The following SKAP2 variants were observed in gnomAD, a reference collection of about 807,000 sequenced individuals.
The protein encoded by SKAP2 is src kinase associated phosphoprotein 2.
Under a neutral mutation model 54.9 loss-of-function variants are expected in SKAP2, and 28 were observed. The ratio of observed to expected loss-of-function variants is 0.51; its 90% CI spans 0.38 to 0.70. SKAP2 has a LOEUF of 0.70. Ranked by LOEUF, SKAP2 falls within the 30% of genes least tolerant of loss-of-function variation. The pLI is 0.00. For synonymous variants in SKAP2, 137 were observed against 134.3 expected (o/e 1.02, Z -0.14); for missense variants, 356 against 424.1 (o/e 0.84, Z 1.41).
chr7:26,810,168 T>G (rs1784112735), intron 4 of SKAP2, among the ~76,000 whole-genome samples: 1 of 151,774 alleles, frequency 6.6e-6, no homozygotes, highest in Admixed American at 6.6e-5. Flanking sequence ...AGTCTCCATC[T>G]CCACAAAAAT....
chr7:26,673,710 G>A (rs909705200), intron 11 of SKAP2, among the ~76,000 whole-genome samples: 1 of 152,048 alleles, frequency 6.6e-6, no homozygotes, highest in African/African-American at 2.4e-5. Context: ...AGGCGGTAGT[G>A]AATGCTTGTG....
intron 9 of SKAP2, among the ~76,000 whole-genome samples, chr7:26,693,950 T>C (rs1406114397): frequency 2.6e-5 from 4 of 151,980 alleles, no homozygotes; most frequent in Non-Finnish European, 5.9e-5. Context: ...GTTCGATAAA[T>C]ACAGAATAAA....
At chr7:26,690,468 CATTA>C (rs1222138038) in intron 9 of SKAP2, 106 bp from the exon 10 acceptor site, 4 of 656,810 alleles carry the variant, frequency 6.1e-6, no homozygotes, top group Admixed American at 2.7e-5. Flanking sequence ...AACACATAAA[CATTA>C]TTTTTCAAAG....
chr7:26,793,368 G>A (rs1175532518), intron 4 of SKAP2, among the ~76,000 whole-genome samples: 1 of 152,152 alleles, frequency 6.6e-6, no homozygotes, highest in Admixed American at 6.5e-5. Flanking sequence ...TATCCTTACA[G>A]AAGAATTCCT....
intron 9 of SKAP2, among the ~76,000 whole-genome samples, chr7:26,701,748 A>C (rs540580079): frequency 0.11 from 6,796 of 64,644 alleles, 489 homozygotes; most frequent in African/African-American, 0.25. Context: ...TAAATAAATA[A>C]ATAAATAAAC....
chr7:26,660,121 C>T, the SKAP2 span, among the ~76,000 whole-genome samples: 1 of 152,074 alleles, frequency 6.6e-6, no homozygotes, highest in African/African-American at 2.4e-5. Context: ...TAAAATGGCA[C>T]ACTTGAATAA....
At chr7:26,857,329 A>C (rs1054705075) in intron 1 of SKAP2, 10 of 268,600 alleles carry the variant, frequency 3.7e-5, no homozygotes, top group South Asian at 2.7e-4. Flanking sequence ...AAAAAAAAAA[A>C]AAAAAACTTT....
chr7:26,761,072 A>C (rs562428503), intron 4 of SKAP2, among the ~76,000 whole-genome samples: 2 of 152,336 alleles, frequency 1.3e-5, no homozygotes, highest in South Asian at 4.1e-4. Context: ...AAATGCGCGA[A>C]AGTGGAACAG....
chr7:26,761,742 T>C (rs962391099), intron 4 of SKAP2, among the ~76,000 whole-genome samples: 2 of 151,856 alleles, frequency 1.3e-5, no homozygotes, highest in African/African-American at 4.8e-5. Context: ...CTACTAAAAA[T>C]AGAAAAAATT....
intron 9 of SKAP2, among the ~76,000 whole-genome samples, chr7:26,693,438 C>G (rs187889813): frequency 6.6e-6 from 1 of 151,392 alleles, no homozygotes; most frequent in Admixed American, 6.6e-5. Context: ...AAACTCTGCT[C>G]TTTGACAAAG....
chr7:26,781,210 C>A (rs1018772259), intron 4 of SKAP2, among the ~76,000 whole-genome samples: 1 of 152,126 alleles, frequency 6.6e-6, no homozygotes, highest in Non-Finnish European at 1.5e-5. Flanking sequence ...GACCCTCTTA[C>A]ACTATGTAAA....
chr7:26,804,215 T>A (rs1226419893), intron 4 of SKAP2, among the ~76,000 whole-genome samples: 1 of 152,178 alleles, frequency 6.6e-6, no homozygotes, highest in African/African-American at 2.4e-5. Flanking sequence ...TATCAAAATG[T>A]CTTATGTACC....
chr7:26,827,500 C>T (rs1784515903), intron 4 of SKAP2, among the ~76,000 whole-genome samples: 1 of 151,916 alleles, frequency 6.6e-6, no homozygotes, highest in African/African-American at 2.4e-5. Context: ...GAAAATAAAC[C>T]TAAACATTTA....
chr7:26,728,627 C>T (rs141726193), intron 6 of SKAP2, among the ~76,000 whole-genome samples: 30 of 152,192 alleles, frequency 2.0e-4, no homozygotes, highest in African/African-American at 6.0e-4. Flanking sequence ...AAAACCAGCA[C>T]GCAGCATTAT....
intron 4 of SKAP2, among the ~76,000 whole-genome samples, chr7:26,809,849 C>T (rs1386761106): frequency 6.6e-6 from 1 of 152,166 alleles, no homozygotes; most frequent in East Asian, 1.9e-4. Flanking sequence ...GATACGGAAT[C>T]AGCCTAAGTG....
the SKAP2 span, among the ~76,000 whole-genome samples, chr7:26,655,924 G>A: frequency 6.6e-6 from 1 of 152,190 alleles, no homozygotes; most frequent in Non-Finnish European, 1.5e-5. Flanking sequence ...GAGGCAATGT[G>A]TCTAAGGTGC....
chr7:26,684,913 A>T, intron 10 of SKAP2, 65 bp from the exon 11 acceptor site: 2 of 913,364 alleles, frequency 2.2e-6, no homozygotes, highest in Non-Finnish European at 3.5e-6. Context: ...TTTCAAAATT[A>T]ACCAGTAGAA....
intron 11 of SKAP2, among the ~76,000 whole-genome samples, chr7:26,675,213 T>C (rs191106333): frequency 6.6e-6 from 1 of 152,332 alleles, no homozygotes; most frequent in Admixed American, 6.5e-5. Context: ...CTGTAGACTT[T>C]AGCTTGTTCC....
At chr7:26,771,825 C>T (rs1432064243) in intron 4 of SKAP2, among the ~76,000 whole-genome samples, 1 of 152,034 alleles carries the variant, frequency 6.6e-6, no homozygotes, top group Non-Finnish European at 1.5e-5. Flanking sequence ...GCAGGTTATT[C>T]TTTGAATATG....
Sources: allele counts gnomAD v4.1 joint callset (sites outside exome capture counted in the v4.1 genomes callset), GRCh38; gene constraint gnomAD v4.1.1; transcripts MANE v1.5; gene names NCBI Gene and HGNC (gene_info 2026-07-23, HGNC 2026-07-21).